The following KCNMA1 variants were observed in gnomAD, a reference collection of about 807,000 sequenced individuals.
KCNMA1 encodes the protein potassium calcium-activated channel subfamily M alpha 1, also known as Calcium-activated potassium channel subunit alpha-1.
Under a neutral mutation model 140.0 loss-of-function variants are expected in KCNMA1, and 29 were observed. The observed-to-expected ratio is 0.21, with a 90% CI of 0.15 to 0.28. KCNMA1 has a LOEUF of 0.28. Among genes scored for constraint, KCNMA1 ranks in the 10% least tolerant of loss-of-function variants. The pLI is 1.00. For synonymous variants in KCNMA1, 612 were observed against 611.9 expected (o/e 1.00, Z 0.00); for missense variants, 880 against 1,602.2 (o/e 0.55, Z 7.70).
At chr10:77,389,578 A>T (rs1255119186) in intron 2 of KCNMA1, among the ~76,000 whole-genome samples, 3 of 152,168 alleles carry the variant, frequency 2.0e-5, no homozygotes, top group Admixed American at 2.0e-4. Flanking sequence ...TAGTGGGGTC[A>T]CCACGTTTGA....
intron 18 of KCNMA1, among the ~76,000 whole-genome samples, chr10:77,006,806 T>G (rs2088895330): frequency 6.6e-6 from 1 of 152,324 alleles, no homozygotes; most frequent in East Asian, 1.9e-4. Context: ...GCTCTGCAGG[T>G]ATGAAAGTGG....
intron 1 of KCNMA1, among the ~76,000 whole-genome samples, chr10:77,570,992 A>G (rs1383487649): frequency 1.3e-5 from 2 of 151,992 alleles, no homozygotes; most frequent in African/African-American, 2.4e-5. Flanking sequence ...AATGTTGCTC[A>G]TAAAAATAAC....
chr10:77,220,665 C>T (rs1044644808), intron 3 of KCNMA1, among the ~76,000 whole-genome samples: 4 of 152,106 alleles, frequency 2.6e-5, no homozygotes, highest in Non-Finnish European at 5.9e-5. Context: ...CTCTTCCTTT[C>T]CTGGGGAGTT....
At chr10:77,216,751 A>T (rs538225041) in intron 3 of KCNMA1, among the ~76,000 whole-genome samples, 1 of 152,240 alleles carries the variant, frequency 6.6e-6, no homozygotes, top group Admixed American at 6.5e-5. Flanking sequence ...AAAAAATTTT[A>T]TCAAATGAGT....
At chr10:77,326,878 A>G (rs1318602183) in intron 2 of KCNMA1, among the ~76,000 whole-genome samples, 1 of 152,142 alleles carries the variant, frequency 6.6e-6, no homozygotes, top group Admixed American at 6.6e-5. Context: ...CCTTTCTAGC[A>G]ATGATAATTA....
intron 2 of KCNMA1, among the ~76,000 whole-genome samples, chr10:77,325,455 C>T (rs2083814532): frequency 6.6e-6 from 1 of 152,202 alleles, no homozygotes; most frequent in African/African-American, 2.4e-5. Context: ...GAGCTCTGGG[C>T]TTTGGGCTAC....
chr10:77,217,037 G>A (rs967554515), intron 3 of KCNMA1, among the ~76,000 whole-genome samples: 6 of 152,090 alleles, frequency 3.9e-5, no homozygotes, highest in South Asian at 2.1e-4. Flanking sequence ...AATCTTAATC[G>A]CTCACGCTTT....
At position 77,248,218 on chromosome 10, in the gene KCNMA1, GC is replaced by G. The variant is rs36087456; in HGVS notation, c.602+2976del. On this transcript the variant is annotated intron_variant, in intron 3 of 27. Transcript: ENST00000286628. The stretch of plus-strand genomic sequence containing the variant: ...TTGTCCACTTGCACAACTGGAGCTG[GC>G]CTGCCTCGAGACATAGCTGGTCCAG... Among the ~76,000 whole-genome samples, 131 of 152,280 alleles carry G rather than the reference GC, an allele frequency of 8.6e-4. 1 individual carries two copies. The East Asian group carries it at 9.5e-3, about 11-fold the overall frequency.
At chr10:77,082,257 G>A (rs1177228171) in intron 12 of KCNMA1, among the ~76,000 whole-genome samples, 1 of 151,700 alleles carries the variant, frequency 6.6e-6, no homozygotes, top group Non-Finnish European at 1.5e-5. Flanking sequence ...TTGAACTCCT[G>A]ACCTCGTGAT....
chr10:77,579,128 G>A (rs1178075776), intron 1 of KCNMA1, among the ~76,000 whole-genome samples: 1 of 152,164 alleles, frequency 6.6e-6, no homozygotes, highest in East Asian at 1.9e-4. Flanking sequence ...TTTCTTCAAG[G>A]ATGAGTCAGT....
At chr10:77,330,760 G>T (rs1342131346) in intron 2 of KCNMA1, among the ~76,000 whole-genome samples, 1 of 152,152 alleles carries the variant, frequency 6.6e-6, no homozygotes, top group African/African-American at 2.4e-5. Context: ...GGGAAAAGCA[G>T]CCAGGGAGAA....
At chr10:77,442,313 G>C (rs768860910) in intron 1 of KCNMA1, among the ~76,000 whole-genome samples, 2 of 151,992 alleles carry the variant, frequency 1.3e-5, no homozygotes, top group Admixed American at 6.6e-5. Flanking sequence ...GTGCCTGCAG[G>C]AGGAAGCCAG....
At chr10:77,376,741 C>G (rs1353989396) in intron 2 of KCNMA1, 1 of 151,452 alleles carries the variant, frequency 6.6e-6, no homozygotes, top group Admixed American at 6.6e-5. Flanking sequence ...TATTCAAGAC[C>G]AGCTTGGTCA....
chr10:77,476,679 A>T (rs1469220965), intron 1 of KCNMA1, among the ~76,000 whole-genome samples: 1 of 152,236 alleles, frequency 6.6e-6, no homozygotes, highest in Non-Finnish European at 1.5e-5. Flanking sequence ...TCTGCTGCTC[A>T]GGTGCATGTG....
chr10:77,028,225 C>A (rs1237295313), intron 15 of KCNMA1, among the ~76,000 whole-genome samples: 1 of 152,166 alleles, frequency 6.6e-6, no homozygotes, highest in Non-Finnish European at 1.5e-5. Flanking sequence ...AAAATGTTAA[C>A]TACAGGGGGA....
At chr10:77,446,990 T>C (rs935572419) in intron 1 of KCNMA1, among the ~76,000 whole-genome samples, 10 of 152,206 alleles carry the variant, frequency 6.6e-5, no homozygotes, top group African/African-American at 2.4e-4. Context: ...CTCATCAAGC[T>C]CTGCATGCCA....
Position 77,108,788 on chromosome 10 carries a change from A to G in KCNMA1, c.1132-216T>C, listed in dbSNP as rs1176332268. 2.0e-5 allele frequency among the ~76,000 whole-genome samples: 3 copies of G among 152,202 alleles called. No individual in the cohort carries two copies. The highest frequency in any genetic ancestry group is 2.9e-5 in the Non-Finnish European group (2 of 68,038). On this transcript the variant is annotated intron_variant, in intron 8 of 27. Coordinates refer to ENST00000286628, the MANE Select transcript of KCNMA1 (RefSeq NM_001161352.2). The surrounding 1 kb of genome is among the most constrained non-coding windows in gnomAD (Gnocchi z 4.6). ...ACAAACATTGGCCACCTTGACAACT[A>G]AAGAACAAAAAAAAATCACAGTCGA...
At chr10:77,067,515 C>G (rs571929690) in intron 14 of KCNMA1, among the ~76,000 whole-genome samples, 8 of 152,332 alleles carry the variant, frequency 5.3e-5, no homozygotes, top group East Asian at 1.9e-4. Context: ...CACACACACA[C>G]ACAGAGACAC....
At chr10:76,971,305 A>C (rs2076013993) in intron 19 of KCNMA1, among the ~76,000 whole-genome samples, 1 of 152,132 alleles carries the variant, frequency 6.6e-6, no homozygotes, top group Non-Finnish European at 1.5e-5. Flanking sequence ...GGAGTCTTAG[A>C]TGGGGGAGAA....
Sources: gnomAD v4.1 joint callset for allele counts (sites outside exome capture counted in the v4.1 genomes callset) on GRCh38, gnomAD v4.1.1 for gene constraint, Gnocchi (gnomAD v3.1) non-coding constraint, MANE v1.5 for transcripts, NCBI Gene and HGNC (gene_info 2026-07-23, HGNC 2026-07-21) for gene names.